DAP3: variants seen among roughly 807,000 people sequenced by gnomAD.
DAP3 encodes the protein small ribosomal subunit protein mS29.
Under a neutral mutation model 51.9 loss-of-function variants are expected in DAP3, and 28 were observed. The ratio of observed to expected loss-of-function variants is 0.54; its 90% CI spans 0.40 to 0.74. The LOEUF is 0.74. Among genes scored for constraint, DAP3 ranks in the 30% least tolerant of loss-of-function variants. The pLI, the probability that DAP3 is intolerant of heterozygous loss-of-function variation, is 0.00. For missense variants in DAP3, 458 were observed against 483.5 expected, an observed-to-expected ratio of 0.95 and a Z score of 0.49; for synonymous variants, 170 against 170.3, an observed-to-expected ratio of 1.00 and a Z score of 0.01.
chr1:155,707,717 A>G (rs1656177970), intron 1 of DAP3, among the ~76,000 whole-genome samples: 2 of 151,976 alleles, frequency 1.3e-5, no homozygotes, highest in African/African-American at 4.8e-5. Context: ...CCATTATTCT[A>G]AATGTTGTTT....
At chr1:155,736,164 G>A (rs887042373) in intron 11 of DAP3, among the ~76,000 whole-genome samples, 1 of 151,766 alleles carries the variant, frequency 6.6e-6, no homozygotes, top group Non-Finnish European at 1.5e-5. Context: ...AGTAGAGACA[G>A]TAATTTTGTA....
chr1:155,721,404 A>G (rs1014371283), intron 3 of DAP3, 113 bp from the exon 4 acceptor site: 173 of 330,976 alleles, frequency 5.2e-4, no homozygotes, highest in Middle Eastern at 1.7e-3. Flanking sequence ...ATGTATGTAT[A>G]TATATATATA....
intron 9 of DAP3, among the ~76,000 whole-genome samples, chr1:155,730,095 T>A (rs1189905624): frequency 1.4e-5 from 2 of 139,734 alleles, no homozygotes; most frequent in Non-Finnish European, 3.0e-5. Context: ...TATATGTATA[T>A]ATACACACAT....
intron 6 of DAP3, among the ~76,000 whole-genome samples, chr1:155,726,679 T>C (rs1466706861): frequency 6.7e-6 from 1 of 150,066 alleles, no homozygotes; most frequent in Non-Finnish European, 1.5e-5. Context: ...CCCAGCACTT[T>C]GGGAGGCTGA....
rs1392652652 is a variant in DAP3, at chr1:155,725,464, C to T, written c.353C>T (p.Ala118Val). 2 of 1,614,038 alleles carry T rather than the reference C, an allele frequency of 1.2e-6. No individual in the cohort carries two copies. The highest frequency in any genetic ancestry group is 2.7e-5 in the African/African-American group (2 of 74,932). ...CATTACCTGAAAAACACCAGTTTTG[C>T]TTATCCAGCTATACGATATCTTCTG... ...LLHYLKNTSFAYPAIRYLLYG... is the reference protein window; with the variant it reads ...LLHYLKNTSFVYPAIRYLLYG... Residue 118 changes from alanine to valine, a missense_variant, in exon 5 of 13, where the codon GCT becomes GTT. Transcript: ENST00000368336.
intron 1 of DAP3, among the ~76,000 whole-genome samples, chr1:155,692,730 A>G (rs1426094652): frequency 2.8e-5 from 4 of 142,028 alleles, no homozygotes; most frequent in Non-Finnish European, 5.9e-5. Flanking sequence ...GTTCAGTAGC[A>G]TTGTATGAAT....
chr1:155,726,115 T>A, intron 6 of DAP3, 96 bp downstream of exon 6: 1 of 545,652 alleles, frequency 1.8e-6, no homozygotes, highest in Non-Finnish European at 2.6e-6. Flanking sequence ...TTTCTTTTCT[T>A]TTTTTTTTTT....
chr1:155,737,732 C>T (rs1374898883), intron 12 of DAP3, among the ~76,000 whole-genome samples: 1 of 150,330 alleles, frequency 6.7e-6, no homozygotes, highest in South Asian at 2.1e-4. Flanking sequence ...TGAGACCAGG[C>T]TAGGCAATAT....
At chr1:155,714,706 G>A (rs1657122228) in intron 2 of DAP3, among the ~76,000 whole-genome samples, 1 of 152,100 alleles carries the variant, frequency 6.6e-6, no homozygotes, top group South Asian at 2.1e-4. Flanking sequence ...AGTGAGCTGA[G>A]ATCATGCCAT....
At chr1:155,702,963 C>T (rs772205647) in intron 1 of DAP3, among the ~76,000 whole-genome samples, 4 of 151,822 alleles carry the variant, frequency 2.6e-5, no homozygotes, top group Non-Finnish European at 5.9e-5. Flanking sequence ...AGTGAGACTC[C>T]GTTTCAAGAA....
intron 1 of DAP3, among the ~76,000 whole-genome samples, chr1:155,694,723 A>G (rs1030946217): frequency 6.6e-6 from 1 of 152,306 alleles, no homozygotes; most frequent in Non-Finnish European, 1.5e-5. Flanking sequence ...CCCAAACTGG[A>G]AGCTGGTTTT....
chr1:155,704,235 ATTTAT>A (rs1353726015), intron 1 of DAP3, among the ~76,000 whole-genome samples: 2 of 152,330 alleles, frequency 1.3e-5, no homozygotes, highest in East Asian at 3.9e-4. Context: ...CTGGTAGATC[ATTTAT>A]TTTAATTTGG....
chr1:155,721,402 A>G lies in DAP3; in HGVS notation c.169-115A>G, dbSNP rs202000759. On this transcript the variant is annotated intron_variant, in intron 3 of 12. Transcript: ENST00000368336. Reference sequence around the variant, plus strand: ...TGTGTATATATATATGTATGTATGTATATATATATATATATACACATAGAC... The same window carrying G: ...TGTGTATATATATATGTATGTATGTGTATATATATATATATACACATAGAC... The G allele has an allele frequency of 3.4e-3, 474 of 140,498 alleles. 7 individuals carry two copies. In the South Asian group the frequency reaches 0.038, roughly 11 times the overall value. The allele number at this position is 140,498 out of a possible 1,614,324, so 8.7% of individuals were successfully genotyped here.
chr1:155,727,775 C>G lies in DAP3; in HGVS notation c.603+37C>G, dbSNP rs749248689. The G allele has an allele frequency of 2.5e-6, 4 of 1,604,218 alleles. No individual in the cohort carries two copies. In the East Asian group the frequency reaches 6.7e-5, roughly 27 times the overall value. On this transcript the variant is annotated intron_variant, in intron 7 of 12. Transcript: ENST00000368336. ...CCCAGAAGTTGAGTGCTAGGTAGTC[C>G]TTACATGGATTCTTTGTGCCCTGAG...
intron 11 of DAP3, 152 bp downstream of exon 11, chr1:155,732,185 T>C: frequency 1.8e-6 from 1 of 560,196 alleles, no homozygotes; most frequent in Non-Finnish European, 3.0e-6. Flanking sequence ...AATATTAACT[T>C]GATCATCATT....
In DAP3 at chr1:155,729,236, A is replaced by T. The variant is rs1250903021; in HGVS notation, c.713A>T (p.Asp238Val). The part of the protein sequence containing the change: ...QGITRVRNAT[D>V]AVGIVLKELK... ...ATAACACGGGTGAGGAACGCCACAGATGCAGTTGGAATTGTGCTGAAAGAG... is the reference window on the plus strand; with the variant it reads ...ATAACACGGGTGAGGAACGCCACAGTTGCAGTTGGAATTGTGCTGAAAGAG... Residue 238 changes from aspartate to valine, a missense_variant, in exon 9 of 13, where the codon GAT becomes GTT. Transcript: ENST00000368336. 6 of 1,614,082 alleles carry T rather than the reference A, an allele frequency of 3.7e-6. No homozygotes were observed. The highest frequency in any genetic ancestry group is 5.1e-6 in the Non-Finnish European group (6 of 1,180,054).
rs1660012089 is a variant in DAP3 at position 155,738,269 on chromosome 1, C to T, written c.*27C>T. 3 of 1,612,796 alleles carry T rather than the reference C, an allele frequency of 1.9e-6. No homozygotes were observed. The highest frequency in any genetic ancestry group is 1.7e-5 in the Admixed American group (1 of 59,960). Reference sequence around the variant, plus strand: ...CCAAGATCACAGCATGTGAGGAAGACAGTGGACATCTGCTTTATGCTGGAC... The same window carrying T: ...CCAAGATCACAGCATGTGAGGAAGATAGTGGACATCTGCTTTATGCTGGAC... On this transcript the variant is annotated 3_prime_UTR_variant, in exon 13 of 13. Transcript: ENST00000368336.
At chr1:155,732,119 A>C in intron 11 of DAP3, 86 bp downstream of exon 11, 1 of 1,224,660 alleles carries the variant, frequency 8.2e-7, no homozygotes, top group South Asian at 1.5e-5. Flanking sequence ...ATTTTGACAT[A>C]ATTTCAGACT....
chr1:155,725,838 C>T, intron 5 of DAP3, 89 bp from the exon 6 acceptor site: 1 of 1,255,276 alleles, frequency 8.0e-7, no homozygotes. Flanking sequence ...CACTCCAACC[C>T]CATCTCAAAA....
Sources: allele counts gnomAD v4.1 joint callset (sites outside exome capture counted in the v4.1 genomes callset), GRCh38; gene constraint gnomAD v4.1.1; transcripts MANE v1.5; gene names NCBI Gene and HGNC (gene_info 2026-07-23, HGNC 2026-07-21).